Variants in DLGAP1 observed in about 807,000 individuals in gnomAD.
DLGAP1 encodes DLG associated protein 1.
In DLGAP1, 11 loss-of-function variants were observed where a neutral mutation model predicts 90.8. The observed-to-expected ratio is 0.12, with a 90% CI of 0.08 to 0.20. The LOEUF (loss-of-function observed/expected upper bound fraction) is 0.20, where lower values mean the gene tolerates loss of function less well. DLGAP1 is among the 10% of genes least tolerant of loss of function. The pLI is 1.00. For missense variants in DLGAP1, 1,050 were observed against 1,333.8 expected (o/e 0.79, Z 3.31); for synonymous variants, 558 against 540.7 (o/e 1.03, Z -0.44).
chr18:3,982,236 T>G (rs1320756196), intron 3 of DLGAP1, among the ~76,000 whole-genome samples: 1 of 152,186 alleles, frequency 6.6e-6, no homozygotes, highest in Non-Finnish European at 1.5e-5. Context: ...ATTTTCACCT[T>G]GCTTTTCAGG....
intron 7 of DLGAP1, among the ~76,000 whole-genome samples, chr18:3,616,108 G>A (rs1213444614): frequency 6.6e-6 from 1 of 152,024 alleles, no homozygotes; most frequent in Non-Finnish European, 1.5e-5. Flanking sequence ...TTTGTACGTG[G>A]GATTATTATT....
At chr18:4,223,348 A>T (rs2078118223) in intron 1 of DLGAP1, among the ~76,000 whole-genome samples, 1 of 152,166 alleles carries the variant, frequency 6.6e-6, no homozygotes, top group Non-Finnish European at 1.5e-5. Flanking sequence ...ATATTTTCCA[A>T]ATGGAAGAAG....
intron 9 of DLGAP1, among the ~76,000 whole-genome samples, chr18:3,554,097 A>G (rs566907873): frequency 6.6e-6 from 1 of 152,212 alleles, no homozygotes; most frequent in East Asian, 1.9e-4. Flanking sequence ...TTTCTCACCT[A>G]AGTCAACAGA....
At chr18:4,090,049 AAAAG>A (rs1055786993) in intron 2 of DLGAP1, among the ~76,000 whole-genome samples, 1 of 152,218 alleles carries the variant, frequency 6.6e-6, no homozygotes, top group Non-Finnish European at 1.5e-5. Context: ...CGTCTAAAAA[AAAAG>A]AAAGAAACTG....
intron 1 of DLGAP1, among the ~76,000 whole-genome samples, chr18:4,434,199 A>G (rs1456519674): frequency 6.6e-6 from 1 of 151,792 alleles, no homozygotes; most frequent in African/African-American, 2.4e-5. Context: ...ACTGCTTTAT[A>G]TCATAGACTC....
At chr18:3,541,716 T>G (rs536763394) in intron 9 of DLGAP1, among the ~76,000 whole-genome samples, 6 of 152,336 alleles carry the variant, frequency 3.9e-5, no homozygotes, top group African/African-American at 1.4e-4. Flanking sequence ...TTTAAGTCCC[T>G]TGCGATCAAA....
chr18:4,127,415 G>C (rs779655097), intron 2 of DLGAP1, among the ~76,000 whole-genome samples: 5 of 151,848 alleles, frequency 3.3e-5, no homozygotes, highest in South Asian at 2.1e-4. Context: ...AAAATGAAGA[G>C]GTACAAAAAT....
chr18:4,407,917 CA>C (rs1211798086), intron 1 of DLGAP1, among the ~76,000 whole-genome samples: 39 of 152,012 alleles, frequency 2.6e-4, no homozygotes, highest in African/African-American at 8.7e-4. Context: ...AAGTATCTAA[CA>C]GGCACTCAAC....
chr18:4,194,416 C>T (rs1487130300), intron 1 of DLGAP1, among the ~76,000 whole-genome samples: 2 of 152,082 alleles, frequency 1.3e-5, no homozygotes, highest in African/African-American at 2.4e-5. Flanking sequence ...AAATCATTAG[C>T]TTTATTACAG....
chr18:4,153,282 T>C lies in DLGAP1; in HGVS notation c.-266-1995A>G, dbSNP rs112594655. On this transcript the variant is annotated intron_variant, in intron 1 of 12. Transcript: ENST00000315677. The stretch of plus-strand genomic sequence containing the variant: ...TCGTTTAAATCAGAATATTCATGGG[T>C]AAGGCAGGGGAATCTGCATTTTGAA... Among the ~76,000 whole-genome samples the C allele has an allele frequency of 6.5e-3, 986 of 152,322 alleles. 5 individuals carry two copies. Among genetic ancestry groups the C allele is most frequent in the African/African-American group, 0.018 (755 of 41,572 alleles).
intron 7 of DLGAP1, among the ~76,000 whole-genome samples, chr18:3,717,551 T>A (rs2147294881): frequency 6.6e-6 from 1 of 152,310 alleles, no homozygotes; most frequent in Non-Finnish European, 1.5e-5. Context: ...TTATTGAAAC[T>A]TTGTTCCTCA....
chr18:3,720,527 T>C (rs1051997147), intron 7 of DLGAP1, among the ~76,000 whole-genome samples: 1 of 152,146 alleles, frequency 6.6e-6, no homozygotes, highest in Non-Finnish European at 1.5e-5. Context: ...AGAAAGTCAG[T>C]GGCAGTAGGT....
chr18:4,137,521 G>T (rs1249446989), intron 2 of DLGAP1, among the ~76,000 whole-genome samples: 2 of 152,064 alleles, frequency 1.3e-5, no homozygotes, highest in Admixed American at 6.6e-5. Context: ...TGCTGTTTTG[G>T]TTACTGTAGC....
chr18:3,565,202 G>T lies in DLGAP1; in HGVS notation c.2057+2288C>A, dbSNP rs368506554. Among the ~76,000 whole-genome samples the T allele has an allele frequency of 6.6e-6, 1 of 152,044 alleles. No individual in the cohort carries two copies. Among genetic ancestry groups the T allele is most frequent in the Non-Finnish European group, 1.5e-5 (1 of 68,014 alleles). Reference sequence around the variant, plus strand: ...TCTGCTCTGCCACCCAGGCTGGAGCGCAATGGCGTCATCTTGGCTCACTGC... The same window carrying T: ...TCTGCTCTGCCACCCAGGCTGGAGCTCAATGGCGTCATCTTGGCTCACTGC... On this transcript the variant is annotated intron_variant, in intron 9 of 12. Coordinates refer to ENST00000315677, the MANE Select transcript of DLGAP1 (RefSeq NM_004746.4). This position sits in a 1 kb window ranked among gnomAD's most constrained non-coding sequence, Gnocchi z 4.0.
chr18:4,443,524 T>C (rs2083587711), intron 1 of DLGAP1, among the ~76,000 whole-genome samples: 2 of 152,226 alleles, frequency 1.3e-5, no homozygotes, highest in South Asian at 4.1e-4. Flanking sequence ...TACTATTTAG[T>C]TTACAGAAAA....
rs887439926 is a variant in DLGAP1, at chr18:3,560,978, A to G, written c.2057+6512T>C. Among the ~76,000 whole-genome samples, 7 of 151,000 alleles carry G rather than the reference A, an allele frequency of 4.6e-5. 2 individuals are homozygous for G. The highest frequency in any genetic ancestry group is 1.7e-4 in the African/African-American group (7 of 40,336). ...GTTTTGCAAGTACTTTGTAATAATTAAATATTTCCAATTCCTACCACTTAT... is the reference window on the plus strand; with the variant it reads ...GTTTTGCAAGTACTTTGTAATAATTGAATATTTCCAATTCCTACCACTTAT... On this transcript the variant is annotated intron_variant, in intron 9 of 12. Coordinates refer to ENST00000315677, the MANE Select transcript of DLGAP1 (RefSeq NM_004746.4).
At chr18:4,018,772 CT>C (rs1315797761) in intron 2 of DLGAP1, among the ~76,000 whole-genome samples, 9 of 152,158 alleles carry the variant, frequency 5.9e-5, no homozygotes, top group African/African-American at 1.9e-4. Context: ...GCCTAGATAT[CT>C]GTATTATGAC....
rs571530308 is a variant in DLGAP1 at position 3,731,642 on chromosome 18, C to T, written c.1351-2267G>A. 2.7e-5 allele frequency among the ~76,000 whole-genome samples: 4 copies of T among 150,922 alleles called. No homozygotes were observed. The East Asian group carries it at 7.8e-4, about 30-fold the overall frequency. On this transcript the variant is annotated intron_variant, in intron 6 of 12. Transcript: ENST00000315677. ...GGCTGGTCTCTCAAACTCCCGGTCT[C>T]AAACCATCCTCCCACCTCCACCTCC...
chr18:3,617,543 A>T (rs1220526617), intron 7 of DLGAP1, among the ~76,000 whole-genome samples: 1 of 148,818 alleles, frequency 6.7e-6, no homozygotes, highest in African/African-American at 2.5e-5. Context: ...GTGAGCTGAG[A>T]TCCCACCATT....
Sources: allele counts gnomAD v4.1 joint callset (sites outside exome capture counted in the v4.1 genomes callset), GRCh38; gene constraint gnomAD v4.1.1; non-coding constraint Gnocchi (gnomAD v3.1); transcripts MANE v1.5; gene names NCBI Gene and HGNC (gene_info 2026-07-23, HGNC 2026-07-21).